Variants in ZNF506 observed in about 807,000 individuals in gnomAD.
ZNF506 encodes zinc finger protein 506.
Under a neutral mutation model 11.6 loss-of-function variants are expected in ZNF506, and 10 were observed. That is an observed-to-expected ratio of 0.86 (90% CI 0.53 to 1.46). The LOEUF (loss-of-function observed/expected upper bound fraction) is 1.46. Among genes scored for constraint, ZNF506 ranks in the 40% most tolerant of loss-of-function variants. ZNF506 has a pLI of 0.00. For synonymous variants in ZNF506, 156 were observed against 173.3 expected (o/e 0.90, Z 0.78); for missense variants, 425 against 521.2 (o/e 0.82, Z 1.80).
At chr19:19,816,356 G>GT (rs1252642344) in intron 1 of ZNF506, among the ~76,000 whole-genome samples, 2 of 151,108 alleles carry the variant, frequency 1.3e-5, no homozygotes, top group African/African-American at 4.9e-5. Context: ...GCTAATTTTT[G>GT]TTTTTTCGGT....
At position 19,794,356 on chromosome 19, in the gene ZNF506, C is replaced by A. The variant is rs551718729; in HGVS notation, c.*196G>T. 18 of 550,648 alleles carry A rather than the reference C, an allele frequency of 3.3e-5. No individual in the cohort carries two copies. The highest frequency in any genetic ancestry group is 2.9e-4 in the African/African-American group (15 of 52,500). The allele number at this position is 550,648 out of a possible 1,614,324, so 34.1% of individuals were successfully genotyped here. On this transcript the variant is annotated 3_prime_UTR_variant, in exon 4 of 4. Transcript: ENST00000540806. ...AGGTTGTTATAGGCTTTGCCATATT[C>A]TTCACACTTGTAGGGTTTCTGTCCA...
chr19:19,793,075 G>A lies in ZNF506; in HGVS notation c.*1477C>T, dbSNP rs1366527854. ...ACCACAATAGGAATAAAATAACAGC[G>A]TAAAGAAATTTGAAAGTTGTATTAC... On this transcript the variant is annotated 3_prime_UTR_variant, in exon 4 of 4. Coordinates refer to ENST00000540806, the MANE Select transcript of ZNF506 (RefSeq NM_001099269.3). Among the ~76,000 whole-genome samples, 10 of 152,022 alleles carry A rather than the reference G, an allele frequency of 6.6e-5. No individual in the cohort carries two copies. Among genetic ancestry groups the A allele is most frequent in the Admixed American group, 6.6e-5 (1 of 15,264 alleles).
At chr19:19,814,609 A>G (rs1056975799) in intron 1 of ZNF506, among the ~76,000 whole-genome samples, 11 of 152,174 alleles carry the variant, frequency 7.2e-5, no homozygotes, top group African/African-American at 2.6e-4. Flanking sequence ...GTAGTATCTC[A>G]GTGACAAAGT....
chr19:19,806,013 AT>A lies in ZNF506; in HGVS notation c.226+17del. 6.3e-7 allele frequency: 1 copy of A among 1,593,238 alleles called. No homozygotes were observed. Among genetic ancestry groups the A allele is most frequent in the East Asian group, 2.3e-5 (1 of 44,160 alleles). Reference sequence around the variant, plus strand: ...TCTATCTGTGTTGTCTGTCCTATTCATTTTCACTCGCACCTACCTGGGGGTT... The same window carrying A: ...TCTATCTGTGTTGTCTGTCCTATTCATTTCACTCGCACCTACCTGGGGGTT... On this transcript the variant is annotated intron_variant, in intron 3 of 3. Transcript: ENST00000540806.
At chr19:19,800,211 A>C (rs570947142) in intron 3 of ZNF506, among the ~76,000 whole-genome samples, 2 of 152,018 alleles carry the variant, frequency 1.3e-5, no homozygotes, top group East Asian at 3.9e-4. Flanking sequence ...AAAGACAGAG[A>C]CTGTATGAGA....
At chr19:19,800,432 T>A (rs2062782624) in intron 3 of ZNF506, among the ~76,000 whole-genome samples, 1 of 118,286 alleles carries the variant, frequency 8.5e-6, no homozygotes, top group South Asian at 2.5e-4. Flanking sequence ...ATTATTTTTT[T>A]TCGAGATGGA....
At chr19:19,797,115 G>A (rs1599507248) in intron 3 of ZNF506, 1 of 146,800 alleles carries the variant, frequency 6.8e-6, no homozygotes, top group South Asian at 2.2e-4. Context: ...ATTTTCAAAA[G>A]CAACAATAAA....
In ZNF506 at chr19:19,811,807, C is replaced by T. The variant is rs565231508; in HGVS notation, c.4-4739G>A. ...TATAAAAAAAAGGAAATTATAATAA[C>T]GGTTCTTCTCTTCATAAATATGCCT... is the stretch of plus-strand genomic sequence containing the variant. On this transcript the variant is annotated intron_variant, in intron 1 of 3. Coordinates refer to ENST00000540806, the MANE Select transcript of ZNF506 (RefSeq NM_001099269.3). Among the ~76,000 whole-genome samples, 14 of 152,076 alleles carry T rather than the reference C, an allele frequency of 9.2e-5. 1 individual carries two copies. In the South Asian group the frequency reaches 2.5e-3, roughly 27 times the overall value.
At chr19:19,819,923 C>G (rs1016523539) in intron 1 of ZNF506, among the ~76,000 whole-genome samples, 26 of 152,136 alleles carry the variant, frequency 1.7e-4, no homozygotes, top group African/African-American at 5.5e-4. Context: ...AAGGTGAAAC[C>G]CTGTCTCTAC....
intron 1 of ZNF506, among the ~76,000 whole-genome samples, chr19:19,818,982 A>G (rs984138405): frequency 1.3e-5 from 2 of 152,182 alleles, no homozygotes; most frequent in African/African-American, 4.8e-5. Flanking sequence ...AGACTGTTTC[A>G]AAACAAAACA....
rs189453192 is a variant in ZNF506, at chr19:19,821,740, C to A, written c.-137G>T. 5.9e-4 allele frequency: 703 copies of A among 1,188,300 alleles called. 3 individuals carry two copies. The highest frequency in any genetic ancestry group is 3.8e-3 in the South Asian group (303 of 80,544). 73.6% of individuals were successfully genotyped at this position (1,188,300 alleles called of 1,614,324 possible). Reference sequence around the variant, plus strand: ...ACGATAGCTGGATCTCTGGCGTCAGCGAGAGACAATGGGCCCGCCAAAGCC... The same window carrying A: ...ACGATAGCTGGATCTCTGGCGTCAGAGAGAGACAATGGGCCCGCCAAAGCC... On this transcript the variant is annotated 5_prime_UTR_variant, in exon 1 of 4. Transcript: ENST00000540806.
chr19:19,795,346 T>C lies in ZNF506; in HGVS notation c.541A>G (p.Thr181Ala), dbSNP rs1245678902. 1 of 1,612,672 alleles carries C rather than the reference T, an allele frequency of 6.2e-7. No homozygotes were observed. The highest frequency in any genetic ancestry group is 2.2e-5 in the East Asian group (1 of 44,826). ...KSFKCIEYGKTFNQSSTRTTY... is the reference protein window; with the variant it reads ...KSFKCIEYGKAFNQSSTRTTY... ...GTACGGGTTGAAGACTGGTTAAAAG[T>C]TTTCCCATATTCTATACATTTAAAA... The change falls in exon 4 of 4, where the codon ACT (threonine) becomes GCT (alanine). Residue 181 changes from threonine (T) to alanine (A), a missense_variant. Thr to Ala is a moderately conservative substitution (Grantham distance 58, BLOSUM62 0). This residue lies in a region of ZNF506 where 226 missense variants were observed against 279.1 expected (regional missense o/e 0.81). Transcript: ENST00000540806.
chr19:19,820,067 A>G (rs2062957452), intron 1 of ZNF506, among the ~76,000 whole-genome samples: 1 of 151,798 alleles, frequency 6.6e-6, no homozygotes, highest in African/African-American at 2.4e-5. Context: ...ACTGCACTCC[A>G]GCATGGCGAC....
At chr19:19,795,925 G>T (rs747448023) in intron 3 of ZNF506, 3 of 417,570 alleles carry the variant, frequency 7.2e-6, no homozygotes, top group Non-Finnish European at 1.3e-5. Flanking sequence ...TAGAAAAAAA[G>T]AAAAGTCTGT....
chr19:19,813,816 A>C (rs996972993), intron 1 of ZNF506, among the ~76,000 whole-genome samples: 2 of 151,956 alleles, frequency 1.3e-5, no homozygotes, highest in African/African-American at 2.4e-5. Context: ...CAGAAAATAC[A>C]AAGAGAAAAA....
intron 3 of ZNF506, among the ~76,000 whole-genome samples, chr19:19,804,134 C>T (rs148060985): frequency 0.062 from 9,486 of 152,112 alleles, 842 homozygotes; most frequent in African/African-American, 0.2. Context: ...AAACAACCAT[C>T]AGAATGAACA....
rs2304170 is a variant in ZNF506, at chr19:19,806,853, A to T, written c.130+89T>A. The T allele has an allele frequency of 2.7e-6, 4 of 1,476,146 alleles. No homozygotes were observed. The African/African-American group carries it at 4.3e-5, about 16-fold the overall frequency. 91.4% of individuals were successfully genotyped at this position (1,476,146 alleles called of 1,614,324 possible). ...AGGAGATCTGAAACTCTTGTATGCA[A>T]AGAATAAATTACTAAAAAACATTCT... On this transcript the variant is annotated intron_variant, in intron 2 of 3. Transcript: ENST00000540806.
At position 19,805,300 on chromosome 19, in the gene ZNF506, A is replaced by C. The variant is rs2145187816; in HGVS notation, c.226+731T>G. ...GAGGTAATACAAAAAAAAAGAATGAAACAATTGGAGAAGATCCAAGTAAAT... is the reference window on the plus strand; with the variant it reads ...GAGGTAATACAAAAAAAAAGAATGACACAATTGGAGAAGATCCAAGTAAAT... On this transcript the variant is annotated intron_variant, in intron 3 of 3. Coordinates refer to ENST00000540806, the MANE Select transcript of ZNF506 (RefSeq NM_001099269.3). Among the ~76,000 whole-genome samples the C allele has an allele frequency of 1.3e-5, 2 of 152,272 alleles. 1 individual carries two copies. The highest frequency in any genetic ancestry group is 4.1e-4 in the South Asian group (2 of 4,822).
In ZNF506 at chr19:19,792,984, AC is replaced by A. The variant is rs1465911765; in HGVS notation, c.*1567del. 6.6e-6 allele frequency among the ~76,000 whole-genome samples: 1 copy of A among 152,220 alleles called. No homozygotes were observed. Among genetic ancestry groups the A allele is most frequent in the African/African-American group, 2.4e-5 (1 of 41,454 alleles). ...ATTCTTTTATAGAAAAGGTCATAATACCCAATAAAAAAGAATCTGTAATATC... is the reference window on the plus strand; with the variant it reads ...ATTCTTTTATAGAAAAGGTCATAATACCAATAAAAAAGAATCTGTAATATC... On this transcript the variant is annotated 3_prime_UTR_variant, in exon 4 of 4. Transcript: ENST00000540806.
Sources: allele counts gnomAD v4.1 joint callset (sites outside exome capture counted in the v4.1 genomes callset), GRCh38; gene constraint gnomAD v4.1.1; regional missense constraint gnomAD v4.1.1; transcripts MANE v1.5; gene names NCBI Gene and HGNC (gene_info 2026-07-23, HGNC 2026-07-21).